Variants in SNRNP70 observed in about 807,000 individuals in gnomAD.
SNRNP70 encodes U1 small nuclear ribonucleoprotein 70 kDa.
Under a neutral mutation model 50.5 loss-of-function variants are expected in SNRNP70, and 8 were observed. The ratio of observed to expected loss-of-function variants is 0.16; its 90% CI spans 0.09 to 0.29. The LOEUF is 0.29. SNRNP70 is among the 10% of genes least tolerant of loss of function. The pLI, the probability that SNRNP70 is intolerant of heterozygous loss-of-function variation, is 1.00. For synonymous variants in SNRNP70, 320 were observed against 252.9 expected, an observed-to-expected ratio of 1.27 and a Z score of -2.52; for missense variants, 529 against 663.5, an observed-to-expected ratio of 0.80 and a Z score of 2.23.
Position 49,101,423 on chromosome 19 carries a change from C to T in SNRNP70, c.427C>T (p.Pro143Ser). ...HMVYSKRSGK[P>S]RGYAFIEYEH... ...GGTCTACAGTAAGCGGTCAGGAAAG[C>T]CCCGTGGCTATGCCTTCATCGAGTA... Residue 143 changes from proline to serine, a missense_variant, in exon 7 of 10, where the codon CCC becomes TCC. By Grantham distance (74) the Pro-to-Ser change is moderately conservative. This residue lies in a region of SNRNP70 where 149 missense variants were observed against 259.7 expected (regional missense o/e 0.57). Transcript: ENST00000598441. 1.2e-6 allele frequency: 2 copies of T among 1,613,994 alleles called. No individual in the cohort carries two copies. The highest frequency in any genetic ancestry group is 1.7e-6 in the Non-Finnish European group (2 of 1,179,912).
rs1313971168 is a variant in SNRNP70 at position 49,086,486 on chromosome 19, C to T, written c.72C>T (p.Pro24=). 1.9e-6 allele frequency: 3 copies of T among 1,614,094 alleles called. No homozygotes were observed. Among genetic ancestry groups the T allele is most frequent in the Admixed American group, 1.7e-5 (1 of 60,000 alleles). Residue 24 remains proline, a synonymous_variant, in exon 2 of 10, where the codon CCC becomes CCT. Transcript: ENST00000598441. Reference sequence around the variant, plus strand: ...GTGACCCTATTCCATACCTGCCACCCCTGGAGAAACTGCCACATGAAAAAC... The same window carrying T: ...GTGACCCTATTCCATACCTGCCACCTCTGGAGAAACTGCCACATGAAAAAC... The part of the protein sequence containing the change: ...APRDPIPYLP[P]LEKLPHEKHH...
chr19:49,107,025 C>T lies in SNRNP70; in HGVS notation c.578-600C>T, dbSNP rs1477459109. Among the ~76,000 whole-genome samples the T allele has an allele frequency of 6.6e-6, 1 of 152,202 alleles. No individual in the cohort carries two copies. Among genetic ancestry groups the T allele is most frequent in the Non-Finnish European group, 1.5e-5 (1 of 68,008 alleles). ...GAGAGACTTCCCGAGAAAGGATGTT[C>T]GGGCTAGCGTTAAGGGTGAGCGTGA... On this transcript the variant is annotated intron_variant, in intron 8 of 9. Coordinates refer to ENST00000598441, the MANE Select transcript of SNRNP70 (RefSeq NM_003089.6). This position sits in a 1 kb window ranked among gnomAD's most constrained non-coding sequence, Gnocchi z 6.0.
In SNRNP70 at chr19:49,101,441, A is replaced by C; in HGVS notation, c.445A>C (p.Ile149Leu). The change falls in exon 7 of 10, where the codon ATC becomes CTC. Residue 149 changes from isoleucine to leucine, a missense_variant. Physicochemically the swap from Ile to Leu is conservative, Grantham distance 5 (BLOSUM62 2). This residue lies in a region of SNRNP70 where 149 missense variants were observed against 259.7 expected (regional missense o/e 0.57). Coordinates refer to ENST00000598441, the MANE Select transcript of SNRNP70 (RefSeq NM_003089.6). ...AGGAAAGCCCCGTGGCTATGCCTTC[A>C]TCGAGTACGAACACGAGCGAGACAT... The part of the protein sequence containing the change: ...RSGKPRGYAF[I>L]EYEHERDMHS... 1 of 1,613,958 alleles carries C rather than the reference A, an allele frequency of 6.2e-7. No homozygotes were observed. Among genetic ancestry groups the C allele is most frequent in the Non-Finnish European group, 8.5e-7 (1 of 1,179,896 alleles).
chr19:49,090,091 G>T (rs576101422), intron 2 of SNRNP70, among the ~76,000 whole-genome samples, 200 bp from the exon 3 acceptor site: 3 of 152,126 alleles, frequency 2.0e-5, no homozygotes, highest in African/African-American at 7.2e-5. Flanking sequence ...GATTACAAGT[G>T]GAAGCCACTG....
chr19:49,098,621 G>A lies in SNRNP70; in HGVS notation c.331-21G>A, dbSNP rs200623211. The A allele has an allele frequency of 1.8e-4, 283 of 1,612,104 alleles. 1 individual carries two copies. Among genetic ancestry groups the A allele is most frequent in the East Asian group, 4.7e-4 (21 of 44,870 alleles). On this transcript the variant is annotated intron_variant, in intron 5 of 9. Transcript: ENST00000598441. ...GGACAGCTCTGTTCTCCCATTTAACGTCATATCCATCTCCTTGTAGAATTA... is the reference window on the plus strand; with the variant it reads ...GGACAGCTCTGTTCTCCCATTTAACATCATATCCATCTCCTTGTAGAATTA...
intron 2 of SNRNP70, among the ~76,000 whole-genome samples, chr19:49,087,427 A>G (rs2040396292): frequency 6.6e-6 from 1 of 152,330 alleles, no homozygotes; most frequent in East Asian, 1.9e-4. Context: ...GGCACCAAGC[A>G]GTCAGCACAT....
chr19:49,088,173 G>A (rs1301855507), intron 2 of SNRNP70, among the ~76,000 whole-genome samples: 1 of 149,644 alleles, frequency 6.7e-6, no homozygotes, highest in Admixed American at 6.7e-5. Context: ...TTACAGGTGT[G>A]AGCCACCATG....
At chr19:49,090,732 A>G in intron 4 of SNRNP70, 1 of 591,290 alleles carries the variant, frequency 1.7e-6, no homozygotes, top group Non-Finnish European at 3.0e-6. Flanking sequence ...GCAGGAAGGG[A>G]GACCCCTGGT....
intron 5 of SNRNP70, 24 bp from the exon 6 acceptor site, chr19:49,098,618 A>G: frequency 6.2e-7 from 1 of 1,611,684 alleles, no homozygotes. Context: ...TCTCCCATTT[A>G]ACGTCATATC....
Position 49,107,616 on chromosome 19 carries a change from C to T in SNRNP70, c.578-9C>T. ...CAGATTCACCCTCTGTCCGTCTGCC[C>T]TGCCCCAGGAGGAGGCCTCGGTGGT... On this transcript the variant is annotated splice_polypyrimidine_tract_variant and intron_variant, in intron 8 of 9. Coordinates refer to ENST00000598441, the MANE Select transcript of SNRNP70 (RefSeq NM_003089.6). This position sits in a 1 kb window ranked among gnomAD's most constrained non-coding sequence, Gnocchi z 6.0. 2.5e-6 allele frequency: 4 copies of T among 1,613,722 alleles called. No homozygotes were observed. Among genetic ancestry groups the T allele is most frequent in the South Asian group, 2.2e-5 (2 of 91,060 alleles).
chr19:49,108,362 A>G lies in SNRNP70; in HGVS notation c.1233A>G (p.Arg411=), dbSNP rs1340418200. The change falls in exon 10 of 10, where the codon CGA becomes CGG. Residue 411 remains arginine, a synonymous_variant. Transcript: ENST00000598441. ...NGLEGLGNDS[R]DMYMESEGGD... The stretch of plus-strand genomic sequence containing the variant: ...TGGAGGGTCTGGGCAACGACAGCCG[A>G]GACATGTACATGGAGTCTGAGGGCG... 6.2e-7 allele frequency: 1 copy of G among 1,610,620 alleles called. No homozygotes were observed. Among genetic ancestry groups the G allele is most frequent in the Non-Finnish European group, 8.5e-7 (1 of 1,178,562 alleles).
chr19:49,105,794 T>C (rs558271373), intron 8 of SNRNP70, among the ~76,000 whole-genome samples: 2 of 152,008 alleles, frequency 1.3e-5, no homozygotes, highest in South Asian at 4.2e-4. Flanking sequence ...AGCCCACAGC[T>C]TGCTTCTGCC....
chr19:49,104,415 GGT>G lies in SNRNP70; in HGVS notation c.476-218_476-217del, dbSNP rs2040637053. ...GTGGACGTCTCCCCCGACCAGGAGT[GGT>G]TGGGGCGCTGAGAGGAAGCAGACGC... On this transcript the variant is annotated intron_variant, in intron 7 of 9. Transcript: ENST00000598441. This position sits in a 1 kb window ranked among gnomAD's most constrained non-coding sequence, Gnocchi z 5.4. 3.7e-6 allele frequency: 2 copies of G among 537,008 alleles called. No homozygotes were observed. Among genetic ancestry groups the G allele is most frequent in the Admixed American group, 6.7e-5 (2 of 29,748 alleles). The allele number at this position is 537,008 out of a possible 1,614,324, so 33.3% of individuals were successfully genotyped here. A position where few individuals can be genotyped will look rare whatever the true frequency, so the allele number is the denominator to read the frequency against.
chr19:49,102,573 A>G (rs1247117979), intron 7 of SNRNP70: 2 of 195,832 alleles, frequency 1.0e-5, no homozygotes, highest in Non-Finnish European at 2.2e-5. Flanking sequence ...TGGGGCTGCT[A>G]CTGTGCTGGC....
chr19:49,107,522 AG>A lies in SNRNP70; in HGVS notation c.578-99del. 1 of 1,099,226 alleles carries A rather than the reference AG, an allele frequency of 9.1e-7. No homozygotes were observed. The highest frequency in any genetic ancestry group is 1.4e-6 in the Non-Finnish European group (1 of 726,814). The allele number at this position is 1,099,226 out of a possible 1,614,324, so 68.1% of individuals were successfully genotyped here. ...GACCCGGCCCTGTGAACACTAAGCC[AG>A]GGGCTGCCTTCCTGCCCTTTGCTCT... On this transcript the variant is annotated intron_variant, in intron 8 of 9. Transcript: ENST00000598441. The surrounding 1 kb of genome is among the most constrained non-coding windows in gnomAD (Gnocchi z 6.0).
rs983577380 is a variant in SNRNP70, at chr19:49,108,171, C to T, written c.1042C>T (p.Arg348Trp). ...DGPDGPEEKG[R>W]DRDRERRRSH... is the part of the protein sequence containing the mutation. ...CCCTGACGGTCCAGAGGAAAAGGGC[C>T]GGGATCGTGACCGGGAGCGACGGCG... The change falls in exon 10 of 10, where the codon CGG (arginine) becomes TGG (tryptophan). Residue 348 changes from arginine (R) to tryptophan (W), a missense_variant. Arg to Trp is a moderately radical substitution (Grantham distance 101). Around this residue, in one of 4 missense-constraint regions of SNRNP70, gnomAD observed 327 missense variants for 308.8 expected, o/e 1.06. Coordinates refer to ENST00000598441, the MANE Select transcript of SNRNP70 (RefSeq NM_003089.6). 13 of 1,540,334 alleles carry T rather than the reference C, an allele frequency of 8.4e-6. No homozygotes were observed. Among genetic ancestry groups the T allele is most frequent in the Non-Finnish European group, 9.6e-6 (11 of 1,142,704 alleles).
chr19:49,093,431 G>A (rs185279875), intron 4 of SNRNP70, among the ~76,000 whole-genome samples: 385 of 152,024 alleles, frequency 2.5e-3, no homozygotes, highest in Admixed American at 8.4e-3. Context: ...GGTGGCTCAC[G>A]CCTGTAATCC....
intron 4 of SNRNP70, among the ~76,000 whole-genome samples, chr19:49,091,665 G>A (rs1411930726): frequency 6.6e-6 from 1 of 152,140 alleles, no homozygotes; most frequent in African/African-American, 2.4e-5. Flanking sequence ...TGTGAACTTT[G>A]ATGAATCCCT....
intron 4 of SNRNP70, among the ~76,000 whole-genome samples, chr19:49,092,393 C>G (rs2040457673): frequency 6.6e-6 from 1 of 151,468 alleles, no homozygotes; most frequent in African/African-American, 2.4e-5. Context: ...AGGCATGAGC[C>G]ACCGTGCCTG....
Sources: gnomAD v4.1 joint callset for allele counts (sites outside exome capture counted in the v4.1 genomes callset) on GRCh38, gnomAD v4.1.1 for gene constraint, gnomAD v4.1.1 regional missense constraint, Gnocchi (gnomAD v3.1) non-coding constraint, MANE v1.5 for transcripts, NCBI Gene and HGNC (gene_info 2026-07-23, HGNC 2026-07-21) for gene names.